Variants in CNBD1 observed in about 807,000 individuals in gnomAD.
CNBD1 encodes cyclic nucleotide-binding domain-containing protein 1.
In CNBD1, 71 loss-of-function variants were observed where a neutral mutation model predicts 54.4. The ratio of observed to expected loss-of-function variants is 1.30; its 90% confidence interval spans 1.08 to 1.59. CNBD1 has a LOEUF of 1.59. Ranked by LOEUF, CNBD1 falls within the 40% of genes most tolerant of loss-of-function variation. The pLI is 0.00. For synonymous variants in CNBD1, 182 were observed against 170.7 expected (o/e 1.07, Z -0.51); for missense variants, 659 against 518.0 (o/e 1.27, Z -2.64).
chr8:86,875,842 A>G (rs768910305), intron 1 of CNBD1, among the ~76,000 whole-genome samples: 1 of 152,194 alleles, frequency 6.6e-6, no homozygotes, highest in African/African-American at 2.4e-5. Flanking sequence ...TAAAAATTTC[A>G]ACTTATTGTG....
intron 4 of CNBD1, among the ~76,000 whole-genome samples, chr8:86,947,179 C>T (rs142441808): frequency 0.018 from 2,799 of 152,174 alleles, 58 homozygotes; most frequent in Middle Eastern, 0.15. Context: ...AACATAATTC[C>T]TTATTTGTCT....
intron 4 of CNBD1, among the ~76,000 whole-genome samples, chr8:87,033,292 T>A (rs925954531): frequency 3.3e-5 from 5 of 152,178 alleles, no homozygotes; most frequent in African/African-American, 1.2e-4. Flanking sequence ...GACATTGTGT[T>A]TGGGGGCAAG....
intron 4 of CNBD1, among the ~76,000 whole-genome samples, chr8:87,022,745 C>T (rs1809515788): frequency 6.6e-6 from 1 of 152,198 alleles, no homozygotes; most frequent in Non-Finnish European, 1.5e-5. Context: ...AAATAAACTT[C>T]AGAAAAAGTG....
At chr8:86,903,067 A>G (rs1415385395) in intron 2 of CNBD1, among the ~76,000 whole-genome samples, 1 of 152,090 alleles carries the variant, frequency 6.6e-6, no homozygotes, top group Non-Finnish European at 1.5e-5. Context: ...TAGGGGCTCA[A>G]TCTGAAAAAT....
intron 2 of CNBD1, among the ~76,000 whole-genome samples, chr8:87,402,375 G>A (rs562229897): frequency 6.6e-6 from 1 of 152,016 alleles, no homozygotes; most frequent in Admixed American, 6.6e-5. Flanking sequence ...TCTCACAAAA[G>A]AGCAGTAGTG....
At chr8:87,418,724 T>G (rs962932231) in intron 2 of CNBD1, among the ~76,000 whole-genome samples, 1 of 151,764 alleles carries the variant, frequency 6.6e-6, no homozygotes, top group Non-Finnish European at 1.5e-5. Flanking sequence ...TTCTTCAAAG[T>G]GGGAGAAAAA....
At chr8:86,940,313 C>T (rs571368069) in intron 4 of CNBD1, among the ~76,000 whole-genome samples, 3 of 151,860 alleles carry the variant, frequency 2.0e-5, no homozygotes, top group Admixed American at 6.6e-5. Flanking sequence ...ATTACAGGCA[C>T]CTGCCACCAC....
intron 1 of CNBD1, among the ~76,000 whole-genome samples, chr8:86,874,802 A>G (rs923624782): frequency 6.6e-6 from 1 of 151,412 alleles, no homozygotes; most frequent in Non-Finnish European, 1.5e-5. Context: ...AGCTCTTTTC[A>G]TACTTTCTTT....
intron 4 of CNBD1, among the ~76,000 whole-genome samples, chr8:87,021,710 G>C (rs55847573): frequency 6.6e-6 from 1 of 152,262 alleles, no homozygotes; most frequent in African/African-American, 2.4e-5. Context: ...GTGCACAGGG[G>C]AGCCCATTAC....
chr8:87,335,860 A>T (rs1231936743), intron 8 of CNBD1, among the ~76,000 whole-genome samples: 1 of 152,020 alleles, frequency 6.6e-6, no homozygotes, highest in Non-Finnish European at 1.5e-5. Flanking sequence ...TCCTTTCCAT[A>T]TTTAGTGCTT....
chr8:87,027,631 G>C (rs975072883), intron 4 of CNBD1, among the ~76,000 whole-genome samples: 1 of 152,124 alleles, frequency 6.6e-6, no homozygotes. Flanking sequence ...GGTCCAAAAA[G>C]TACCACAGAA....
intron 6 of CNBD1, among the ~76,000 whole-genome samples, chr8:87,272,064 G>A (rs1378008000): frequency 6.6e-6 from 1 of 151,890 alleles, no homozygotes; most frequent in African/African-American, 2.4e-5. Flanking sequence ...ATAAAATGTA[G>A]GCTGGTGGTT....
chr8:86,900,369 G>C (rs1300138871), intron 2 of CNBD1, among the ~76,000 whole-genome samples: 1 of 152,086 alleles, frequency 6.6e-6, no homozygotes. Flanking sequence ...CTCATAACTA[G>C]ATTTTTTCAG....
intron 4 of CNBD1, among the ~76,000 whole-genome samples, chr8:86,958,177 C>T (rs1292746322): frequency 6.6e-6 from 1 of 152,148 alleles, no homozygotes; most frequent in African/African-American, 2.4e-5. Flanking sequence ...AGTTTGATTG[C>T]ATTGTGGTCT....
At chr8:87,013,275 G>A (rs1459844405) in intron 4 of CNBD1, among the ~76,000 whole-genome samples, 2 of 152,160 alleles carry the variant, frequency 1.3e-5, no homozygotes, top group African/African-American at 4.8e-5. Context: ...CCTAATGCAA[G>A]TTTGGAGGTG....
intron 4 of CNBD1, among the ~76,000 whole-genome samples, chr8:87,062,672 C>T (rs866066684): frequency 8.6e-5 from 13 of 151,272 alleles, no homozygotes; most frequent in South Asian, 2.1e-4. Context: ...CGGGAGGCAG[C>T]GATTGCGGTG....
intron 8 of CNBD1, among the ~76,000 whole-genome samples, chr8:87,304,662 A>G (rs13265821): frequency 7.2e-5 from 11 of 152,192 alleles, no homozygotes; most frequent in African/African-American, 2.4e-4. Flanking sequence ...AATAAAAATC[A>G]CATAATCATT....
intron 4 of CNBD1, among the ~76,000 whole-genome samples, chr8:87,120,660 C>T (rs1402610442): frequency 6.6e-6 from 1 of 151,688 alleles, no homozygotes; most frequent in Non-Finnish European, 1.5e-5. Flanking sequence ...TGTTCGTTTG[C>T]CCCAATCTTT....
chr8:87,413,961 T>A (rs1807795218), intron 2 of CNBD1, among the ~76,000 whole-genome samples: 1 of 151,922 alleles, frequency 6.6e-6, no homozygotes. Context: ...GAAGTCAGTG[T>A]GGCGATTCCT....
Sources: gnomAD v4.1 joint callset for allele counts (sites outside exome capture counted in the v4.1 genomes callset) on GRCh38, gnomAD v4.1.1 for gene constraint, MANE v1.5 for transcripts, NCBI Gene and HGNC (gene_info 2026-07-23, HGNC 2026-07-21) for gene names.